LIN9: variants seen among roughly 807,000 people sequenced by gnomAD.
LIN9 encodes protein lin-9 homolog.
Under a neutral mutation model 78.0 loss-of-function variants are expected in LIN9, and 18 were observed. That is an observed-to-expected ratio of 0.23 (90% CI 0.16 to 0.34). The LOEUF (loss-of-function observed/expected upper bound fraction) is 0.34, where lower values mean the gene tolerates loss of function less well. Among genes scored for constraint, LIN9 ranks in the 10% least tolerant of loss-of-function variants. The probability of loss-of-function intolerance (pLI) is 1.00; values close to 1 mark genes in which losing one functional copy is unlikely to be tolerated. For missense variants in LIN9, 451 were observed against 644.1 expected (o/e 0.70, Z 3.25); for synonymous variants, 192 against 215.2 (o/e 0.89, Z 0.94).
At chr1:226,291,583 T>C (rs941718867) in intron 4 of LIN9, among the ~76,000 whole-genome samples, 2 of 152,082 alleles carry the variant, frequency 1.3e-5, no homozygotes, top group African/African-American at 4.8e-5. Flanking sequence ...GAAGTACATA[T>C]TGGAATGGTA....
rs530908891 is a variant in LIN9 at position 226,282,520 on chromosome 1, T to C, written c.524+3813A>G. ...ACCTTTATGAACTCTGCCCATCTGA[T>C]AGTTAAAAGCAGTATCTCGGCCGGG... is the stretch of plus-strand genomic sequence containing the variant. On this transcript the variant is annotated intron_variant, in intron 6 of 14. Transcript: ENST00000681046. Among the ~76,000 whole-genome samples the C allele has an allele frequency of 3.3e-5, 5 of 152,320 alleles. No individual in the cohort carries two copies. In the South Asian group the frequency reaches 1.0e-3, roughly 32 times the overall value.
intron 2 of LIN9, 82 bp downstream of exon 2, chr1:226,301,091 G>T: frequency 1.0e-6 from 1 of 986,562 alleles, no homozygotes; most frequent in Non-Finnish European, 1.5e-6. Context: ...AACTTAGAAG[G>T]AAAATGGAAA....
At chr1:226,293,948 T>C (rs1469973159) in intron 4 of LIN9, among the ~76,000 whole-genome samples, 1 of 152,246 alleles carries the variant, frequency 6.6e-6, no homozygotes, top group Non-Finnish European at 1.5e-5. Context: ...TTTAAAATTA[T>C]CATAAGGCAT....
chr1:226,260,690 G>A (rs1272330187), intron 10 of LIN9, among the ~76,000 whole-genome samples: 7 of 126,574 alleles, frequency 5.5e-5, no homozygotes, highest in Admixed American at 3.8e-4. Flanking sequence ...TGTCACCCAG[G>A]CCGGAGTGCA....
chr1:226,285,159 G>A (rs923156659), intron 6 of LIN9, among the ~76,000 whole-genome samples: 4 of 152,078 alleles, frequency 2.6e-5, no homozygotes, highest in Non-Finnish European at 4.4e-5. Flanking sequence ...ACAGAACTAT[G>A]ACAAAACAGT....
intron 4 of LIN9, among the ~76,000 whole-genome samples, chr1:226,293,606 C>T (rs1661928903): frequency 6.6e-6 from 1 of 152,170 alleles, no homozygotes; most frequent in Non-Finnish European, 1.5e-5. Context: ...TTGAGACAGA[C>T]TCTTGTTCTG....
At chr1:226,285,909 G>A (rs980067411) in intron 6 of LIN9, among the ~76,000 whole-genome samples, 10 of 152,050 alleles carry the variant, frequency 6.6e-5, no homozygotes, top group Non-Finnish European at 1.3e-4. Flanking sequence ...AAAAAATTAC[G>A]TTGAAAACCT....
At chr1:226,294,843 A>G (rs1157123715) in intron 4 of LIN9, among the ~76,000 whole-genome samples, 1 of 150,438 alleles carries the variant, frequency 6.6e-6, no homozygotes, top group African/African-American at 2.5e-5. Flanking sequence ...TCTGTTGCCC[A>G]GGCTGGAGTG....
chr1:226,293,374 G>GT (rs2102648302), intron 4 of LIN9, among the ~76,000 whole-genome samples: 1 of 152,290 alleles, frequency 6.6e-6, no homozygotes, highest in East Asian at 1.9e-4. Flanking sequence ...CGACAGGACA[G>GT]TGTCACAGTC....
At chr1:226,275,338 A>G (rs912962261) in intron 7 of LIN9, among the ~76,000 whole-genome samples, 16 of 152,230 alleles carry the variant, frequency 1.1e-4, no homozygotes, top group African/African-American at 3.9e-4. Context: ...TTTGGCCTAT[A>G]GGCCGTAAGT....
intron 11 of LIN9, among the ~76,000 whole-genome samples, chr1:226,243,976 G>T (rs942907403): frequency 6.5e-4 from 98 of 151,368 alleles, no homozygotes; most frequent in African/African-American, 2.3e-3. Context: ...CAAGGTTCAA[G>T]TGATTCTCCT....
intron 10 of LIN9, among the ~76,000 whole-genome samples, chr1:226,264,206 C>G (rs923826985): frequency 6.7e-4 from 102 of 151,874 alleles, no homozygotes; most frequent in African/African-American, 2.4e-3. Context: ...TGGTGAAACC[C>G]CGTCTCTACT....
At chr1:226,270,783 C>T (rs1157403511) in intron 7 of LIN9, among the ~76,000 whole-genome samples, 2 of 140,244 alleles carry the variant, frequency 1.4e-5, no homozygotes, top group African/African-American at 5.6e-5. Context: ...CAGGATAGTA[C>T]CACTGCACTC....
intron 12 of LIN9, among the ~76,000 whole-genome samples, chr1:226,238,669 GACA>G (rs1337925549): frequency 6.6e-6 from 1 of 151,886 alleles, no homozygotes; most frequent in African/African-American, 2.4e-5. Flanking sequence ...AAAAAACAAT[GACA>G]ACAACAAAAT....
chr1:226,289,014 G>A (rs1304697630), intron 4 of LIN9, among the ~76,000 whole-genome samples: 2 of 152,194 alleles, frequency 1.3e-5, no homozygotes, highest in Admixed American at 6.5e-5. Context: ...CGAGATGGGC[G>A]GATCACAAGG....
chr1:226,283,891 G>A (rs1576338129), intron 6 of LIN9, among the ~76,000 whole-genome samples: 1 of 151,968 alleles, frequency 6.6e-6, no homozygotes, highest in East Asian at 1.9e-4. Flanking sequence ...GCAGTGAGCC[G>A]AGATTGTGCA....
At chr1:226,280,552 C>G (rs564177764) in intron 6 of LIN9, among the ~76,000 whole-genome samples, 1 of 151,992 alleles carries the variant, frequency 6.6e-6, no homozygotes, top group South Asian at 2.1e-4. Context: ...CCGAGGTGGG[C>G]GGATCATGAG....
At chr1:226,285,215 G>T (rs960621021) in intron 6 of LIN9, among the ~76,000 whole-genome samples, 1 of 152,230 alleles carries the variant, frequency 6.6e-6, no homozygotes, top group Admixed American at 6.5e-5. Flanking sequence ...ATTAGAAACA[G>T]TGTAACTCAA....
At chr1:226,266,427 C>T (rs756716652) in intron 8 of LIN9, 95 bp from the exon 9 acceptor site, 59 of 967,654 alleles carry the variant, frequency 6.1e-5, no homozygotes, top group Non-Finnish European at 7.9e-5. Flanking sequence ...TATATTCACG[C>T]ATATTCTATG....
Sources: allele counts gnomAD v4.1 joint callset (sites outside exome capture counted in the v4.1 genomes callset), GRCh38; gene constraint gnomAD v4.1.1; transcripts MANE v1.5; gene names NCBI Gene and HGNC (gene_info 2026-07-23, HGNC 2026-07-21).